RBFOX1: variants seen among roughly 807,000 people sequenced by gnomAD.
RBFOX1 encodes RNA binding fox-1 homolog 1, also known as RNA binding protein fox-1 homolog 1.
RBFOX1 carries 8 observed loss-of-function variants against 57.7 expected under a neutral mutation model. The ratio of observed to expected loss-of-function variants is 0.14; its 90% CI spans 0.08 to 0.25. The LOEUF is 0.25. Among genes scored for constraint, RBFOX1 ranks in the 10% least tolerant of loss-of-function variants. The probability of loss-of-function intolerance (pLI) is 1.00; values close to 1 mark genes in which losing one functional copy is unlikely to be tolerated. For synonymous variants in RBFOX1, 326 were observed against 222.4 expected (o/e 1.47, Z -4.15); for missense variants, 611 against 548.5 (o/e 1.11, Z -1.14).
At chr16:7,707,715 T>C (rs1023354207) in intron 14 of RBFOX1, among the ~76,000 whole-genome samples, 1 of 152,098 alleles carries the variant, frequency 6.6e-6, no homozygotes, top group Non-Finnish European at 1.5e-5. Context: ...GCCGAAAACT[T>C]ATGTAGGCAT....
At position 5,429,406 on chromosome 16, in the gene RBFOX1, G is replaced by A. The variant is rs940754716; in HGVS notation, c.220-37810G>A. 2.0e-5 allele frequency among the ~76,000 whole-genome samples: 3 copies of A among 152,184 alleles called. 1 individual carries two copies. Among genetic ancestry groups the A allele is most frequent in the Admixed American group, 6.5e-5 (1 of 15,274 alleles). On this transcript the variant is annotated intron_variant, in intron 1 of 2. Transcript: ENST00000585867. ...GGCCTTAGGCGGGACTCGGGGGAGA[G>A]TGAGTTTCTGATTGACTTGACATTT...
At chr16:7,474,112 C>T (rs942792677) in intron 4 of RBFOX1, among the ~76,000 whole-genome samples, 1 of 152,112 alleles carries the variant, frequency 6.6e-6, no homozygotes, top group East Asian at 1.9e-4. Context: ...TACGGTGAAA[C>T]TCTGTCTCTA....
At chr16:6,862,154 T>G (rs1468381032) in intron 3 of RBFOX1, among the ~76,000 whole-genome samples, 3 of 152,190 alleles carry the variant, frequency 2.0e-5, no homozygotes, top group African/African-American at 7.2e-5. Flanking sequence ...GTTTTTCATT[T>G]AGATTGTGAA....
chr16:6,055,341 C>T (rs1274162775), intron 1 of RBFOX1, among the ~76,000 whole-genome samples: 1 of 151,724 alleles, frequency 6.6e-6, no homozygotes, highest in African/African-American at 2.4e-5. Flanking sequence ...ACTTATAATC[C>T]CAGCAGTTTT....
chr16:5,597,922 G>C (rs973910301), intron 2 of RBFOX1, among the ~76,000 whole-genome samples: 2 of 152,166 alleles, frequency 1.3e-5, no homozygotes, highest in Non-Finnish European at 2.9e-5. Context: ...CCTCTCTTTT[G>C]CTTCTTCACC....
chr16:5,731,336 T>A (rs1032693739), intron 3 of RBFOX1, among the ~76,000 whole-genome samples: 13 of 152,226 alleles, frequency 8.5e-5, no homozygotes, highest in Non-Finnish European at 1.8e-4. Flanking sequence ...CCACCACTAC[T>A]GTAATCACCA....
chr16:6,721,743 T>G (rs73543641), intron 3 of RBFOX1: 1 of 152,280 alleles, frequency 6.6e-6, no homozygotes, highest in African/African-American at 2.4e-5. Context: ...TTTAATTAAT[T>G]AATTAATTAA....
At chr16:6,348,983 A>C (rs575044410) in intron 2 of RBFOX1, among the ~76,000 whole-genome samples, 120 of 152,334 alleles carry the variant, frequency 7.9e-4, no homozygotes, top group Middle Eastern at 3.4e-3. Context: ...GCGCTTCAAA[A>C]GAAATTCTTA....
At chr16:5,433,953 T>C (rs2067832480) in intron 1 of RBFOX1, among the ~76,000 whole-genome samples, 1 of 152,126 alleles carries the variant, frequency 6.6e-6, no homozygotes, top group Admixed American at 6.6e-5. Flanking sequence ...CCAGGCTGCA[T>C]GTTCGAATCA....
intron 1 of RBFOX1, among the ~76,000 whole-genome samples, chr16:6,282,032 T>C (rs767643500): frequency 9.2e-5 from 14 of 152,200 alleles, no homozygotes; most frequent in Non-Finnish European, 1.6e-4. Context: ...AGTGGTATCA[T>C]ATTAACTGTT....
chr16:5,368,927 A>G (rs777097557), intron 1 of RBFOX1, among the ~76,000 whole-genome samples: 5 of 152,232 alleles, frequency 3.3e-5, no homozygotes, highest in Non-Finnish European at 7.3e-5. Context: ...TCTCTCCTCA[A>G]TTCTCACTAT....
intron 3 of RBFOX1, among the ~76,000 whole-genome samples, chr16:6,909,458 G>A (rs1342540483): frequency 6.6e-6 from 1 of 152,220 alleles, no homozygotes; most frequent in African/African-American, 2.4e-5. Context: ...ACACCTTTCA[G>A]AGATTACGAT....
At chr16:7,058,181 C>A (rs530954558) in intron 4 of RBFOX1, among the ~76,000 whole-genome samples, 25 of 152,032 alleles carry the variant, frequency 1.6e-4, no homozygotes, top group Middle Eastern at 3.2e-3. Context: ...AGCTTTCAGG[C>A]GAACACTAAC....
chr16:5,898,154 A>G (rs1409813108), intron 4 of RBFOX1, among the ~76,000 whole-genome samples: 1 of 152,126 alleles, frequency 6.6e-6, no homozygotes, highest in Non-Finnish European at 1.5e-5. Flanking sequence ...AAAGCAGGAA[A>G]AATCCTTATA....
intron 1 of RBFOX1, among the ~76,000 whole-genome samples, chr16:5,431,613 T>C (rs934183956): frequency 1.3e-5 from 2 of 152,086 alleles, no homozygotes; most frequent in African/African-American, 4.8e-5. Context: ...GACCTTGTGA[T>C]CCGCCCGCCT....
At chr16:6,843,489 C>G (rs2093600452) in intron 3 of RBFOX1, among the ~76,000 whole-genome samples, 1 of 152,006 alleles carries the variant, frequency 6.6e-6, no homozygotes, top group South Asian at 2.1e-4. Context: ...GAGATCGAGA[C>G]CATCCTGGCT....
chr16:7,524,883 C>T (rs2078331866), intron 5 of RBFOX1, among the ~76,000 whole-genome samples: 1 of 152,192 alleles, frequency 6.6e-6, no homozygotes. Context: ...AAAACTTGTT[C>T]AGGGCATTCC....
At chr16:6,606,579 A>G (rs2097930708) in intron 2 of RBFOX1, among the ~76,000 whole-genome samples, 1 of 151,916 alleles carries the variant, frequency 6.6e-6, no homozygotes, top group Non-Finnish European at 1.5e-5. Flanking sequence ...ATGTGTTCTC[A>G]TTGTTCAGCT....
At chr16:6,878,372 C>T (rs774213471) in intron 3 of RBFOX1, among the ~76,000 whole-genome samples, 7 of 152,116 alleles carry the variant, frequency 4.6e-5, no homozygotes, top group Non-Finnish European at 1.0e-4. Context: ...TTTCTTATCT[C>T]TCTGATATGG....
Sources: allele counts gnomAD v4.1 joint callset (sites outside exome capture counted in the v4.1 genomes callset), GRCh38; gene constraint gnomAD v4.1.1; transcripts MANE v1.5; gene names NCBI Gene and HGNC (gene_info 2026-07-23, HGNC 2026-07-21).